Variants in CLNK observed in about 807,000 individuals in gnomAD.
The protein encoded by CLNK is cytokine-dependent hematopoietic cell linker.
A neutral mutation model predicts 68.6 loss-of-function variants in CLNK; 74 were observed. The observed-to-expected ratio is 1.08, with a 90% CI of 0.89 to 1.31. The LOEUF is 1.31. Ranked by LOEUF, CLNK falls within the 50% of genes most tolerant of loss-of-function variation. CLNK has a pLI of 0.00. For synonymous variants in CLNK, 198 were observed against 172.2 expected (o/e 1.15, Z -1.17); for missense variants, 553 against 515.3 (o/e 1.07, Z -0.71).
chr4:10,669,153 A>G (rs1724527340), intron 1 of CLNK, among the ~76,000 whole-genome samples: 1 of 152,174 alleles, frequency 6.6e-6, no homozygotes, highest in Admixed American at 6.5e-5. Context: ...TCACTCATCC[A>G]TCTGGGAAAC....
At chr4:10,675,573 C>T (rs1031028878) in intron 1 of CLNK, among the ~76,000 whole-genome samples, 1 of 152,138 alleles carries the variant, frequency 6.6e-6, no homozygotes, top group African/African-American at 2.4e-5. Flanking sequence ...TGCATTTCAC[C>T]TGATCCAAAA....
intron 3 of CLNK, among the ~76,000 whole-genome samples, chr4:10,586,776 T>C (rs530509907): frequency 1.2e-4 from 19 of 152,184 alleles, no homozygotes; most frequent in Non-Finnish European, 2.8e-4. Flanking sequence ...CTCGTCTCAC[T>C]GTATCTCACC....
At chr4:10,572,088 A>G (rs1720376332) in intron 4 of CLNK, among the ~76,000 whole-genome samples, 2 of 152,190 alleles carry the variant, frequency 1.3e-5, no homozygotes, top group Admixed American at 1.3e-4. Context: ...ATATGAGAAG[A>G]TCTCTCACAG....
intron 2 of CLNK, among the ~76,000 whole-genome samples, chr4:10,616,305 T>C (rs1406950311): frequency 6.6e-6 from 1 of 152,232 alleles, no homozygotes; most frequent in Non-Finnish European, 1.5e-5. Context: ...GGGTTTAGTT[T>C]ATTGCTTTGT....
the CLNK span, among the ~76,000 whole-genome samples, chr4:10,721,651 A>G: frequency 6.6e-6 from 1 of 152,214 alleles, no homozygotes; most frequent in Admixed American, 6.5e-5. Context: ...TTCATTTATA[A>G]ACTTATTAAT....
chr4:10,607,466 T>A (rs915989194), intron 2 of CLNK, among the ~76,000 whole-genome samples: 1 of 152,236 alleles, frequency 6.6e-6, no homozygotes, highest in East Asian at 1.9e-4. Context: ...AAGCAGACAC[T>A]GATGATAAGG....
intron 15 of CLNK, chr4:10,517,374 T>C (rs1239546832): frequency 6.6e-6 from 1 of 152,096 alleles, no homozygotes; most frequent in East Asian, 1.9e-4. Context: ...TCAAGATAAA[T>C]ATCAAAGGTG....
intron 2 of CLNK, among the ~76,000 whole-genome samples, chr4:10,629,732 G>C (rs887507294): frequency 6.6e-6 from 1 of 151,952 alleles, no homozygotes; most frequent in Non-Finnish European, 1.5e-5. Context: ...ATAGAGTTTG[G>C]GGGGAAGGCA....
chr4:10,586,783 C>T (rs1476089607), intron 3 of CLNK, among the ~76,000 whole-genome samples: 3 of 152,188 alleles, frequency 2.0e-5, no homozygotes, highest in Non-Finnish European at 2.9e-5. Context: ...CACTGTATCT[C>T]ACCACCATTA....
At chr4:10,728,739 C>A in the CLNK span, among the ~76,000 whole-genome samples, 1 of 151,820 alleles carries the variant, frequency 6.6e-6, no homozygotes, top group Non-Finnish European at 1.5e-5. Flanking sequence ...CAGGCGCCTG[C>A]CACCACGCCT....
intron 2 of CLNK, among the ~76,000 whole-genome samples, chr4:10,624,936 T>A (rs1356816286): frequency 6.6e-6 from 1 of 152,200 alleles, no homozygotes; most frequent in Non-Finnish European, 1.5e-5. Context: ...CTTAACGTTT[T>A]CTCGATTCTG....
At chr4:10,618,150 T>C (rs1577171731) in intron 2 of CLNK, among the ~76,000 whole-genome samples, 2 of 152,166 alleles carry the variant, frequency 1.3e-5, no homozygotes, top group East Asian at 1.9e-4. Flanking sequence ...GGTGAGTAGA[T>C]AGACAAAATG....
intron 1 of CLNK, among the ~76,000 whole-genome samples, chr4:10,673,382 C>T (rs1275546251): frequency 6.6e-6 from 1 of 151,962 alleles, no homozygotes; most frequent in Non-Finnish European, 1.5e-5. Flanking sequence ...TGCCTGATTG[C>T]CCTGGACAGA....
chr4:10,505,174 C>G (rs1717240418), intron 17 of CLNK, among the ~76,000 whole-genome samples: 1 of 152,214 alleles, frequency 6.6e-6, no homozygotes, highest in South Asian at 2.1e-4. Context: ...AGGTTTGCCA[C>G]TCTACCAAGG....
chr4:10,666,927 C>T (rs1413157899), intron 2 of CLNK, among the ~76,000 whole-genome samples: 2 of 152,204 alleles, frequency 1.3e-5, no homozygotes, highest in Admixed American at 6.5e-5. Flanking sequence ...CTCTCTGTCT[C>T]TTGGACCAGA....
Position 10,641,943 on chromosome 4 carries a change from T to A in CLNK, c.11+25916A>T, listed in dbSNP as rs1192577368. 2.0e-5 allele frequency among the ~76,000 whole-genome samples: 3 copies of A among 152,186 alleles called. No homozygotes were observed. The South Asian group carries it at 6.2e-4, about 31-fold the overall frequency. On this transcript the variant is annotated intron_variant, in intron 2 of 18. Coordinates refer to ENST00000226951, the MANE Select transcript of CLNK (RefSeq NM_052964.4). ...TCATTCTCTCTTGCCTGCCACCATG[T>A]AACGTGTGCCTTTCTCCTTTCCACC...
intron 2 of CLNK, among the ~76,000 whole-genome samples, chr4:10,616,813 TATATATATATAC>T (rs1315566195): frequency 6.6e-4 from 41 of 61,730 alleles, no homozygotes; most frequent in African/African-American, 1.9e-3. Flanking sequence ...TATATATATA[TATATATATATAC>T]ACGCATTTTT....
upstream of CLNK, among the ~76,000 whole-genome samples, chr4:10,689,187 T>G (rs1456394610): frequency 6.6e-6 from 1 of 151,968 alleles, no homozygotes; most frequent in East Asian, 1.9e-4. Flanking sequence ...CCAGACTGAG[T>G]GCAGTGATGC....
the CLNK span, among the ~76,000 whole-genome samples, chr4:10,725,904 G>A: frequency 0.38 from 57,927 of 151,628 alleles, 11,953 homozygotes; most frequent in East Asian, 0.58. Flanking sequence ...TCCTATAAAT[G>A]CGGTATTGCA....
Sources: allele counts gnomAD v4.1 joint callset (sites outside exome capture counted in the v4.1 genomes callset), GRCh38; gene constraint gnomAD v4.1.1; transcripts MANE v1.5; gene names NCBI Gene and HGNC (gene_info 2026-07-23, HGNC 2026-07-21).